SSBP2: variants seen among roughly 807,000 people sequenced by gnomAD.
SSBP2 encodes the protein single-stranded DNA-binding protein 2.
In SSBP2, 17 loss-of-function variants were observed where a neutral mutation model predicts 61.8. That is an observed-to-expected ratio of 0.28 (90% CI 0.19 to 0.41). The LOEUF (loss-of-function observed/expected upper bound fraction) is 0.41, where lower values mean the gene tolerates loss of function less well. Among genes scored for constraint, SSBP2 ranks in the 10% least tolerant of loss-of-function variants. The pLI is 1.00. For synonymous variants in SSBP2, 139 were observed against 141.3 expected (o/e 0.98, Z 0.12); for missense variants, 310 against 458.7 (o/e 0.68, Z 2.96).
intron 1 of SSBP2, among the ~76,000 whole-genome samples, chr5:81,728,672 G>A (rs764204245): frequency 3.3e-5 from 5 of 152,198 alleles, no homozygotes; most frequent in Non-Finnish European, 7.4e-5. Context: ...ATGTAAACTA[G>A]AAACTATATA....
At chr5:81,560,078 A>C (rs1772928354) in intron 4 of SSBP2, among the ~76,000 whole-genome samples, 3 of 152,212 alleles carry the variant, frequency 2.0e-5, no homozygotes, top group African/African-American at 2.4e-5. Context: ...TTTAACTTAA[A>C]CTATATTAAA....
At chr5:81,652,132 G>A (rs777651366) in intron 1 of SSBP2, among the ~76,000 whole-genome samples, 3 of 152,176 alleles carry the variant, frequency 2.0e-5, no homozygotes, top group Non-Finnish European at 4.4e-5. Context: ...GAGGCAGAGA[G>A]TGAATGAAGC....
rs372773450 is a variant in SSBP2 at position 81,641,623 on chromosome 5, G to A, written c.136-5005C>T. 2.6e-4 allele frequency among the ~76,000 whole-genome samples: 40 copies of A among 152,204 alleles called. No individual in the cohort carries two copies. The East Asian group carries it at 7.0e-3, about 26-fold the overall frequency. On this transcript the variant is annotated intron_variant, in intron 2 of 16. Transcript: ENST00000320672. ...TGGATCACTATTCTAGATACCACTTGTTTAAAAAAAGCATAAAATGGTGCT... is the reference window on the plus strand; with the variant it reads ...TGGATCACTATTCTAGATACCACTTATTTAAAAAAAGCATAAAATGGTGCT...
At chr5:81,615,768 T>A (rs1285129963) in intron 3 of SSBP2, among the ~76,000 whole-genome samples, 1 of 152,184 alleles carries the variant, frequency 6.6e-6, no homozygotes, top group African/African-American at 2.4e-5. Flanking sequence ...AATAAGACTT[T>A]TATAAAAAAA....
At chr5:81,693,696 G>A (rs976914554) in intron 1 of SSBP2, among the ~76,000 whole-genome samples, 1 of 152,230 alleles carries the variant, frequency 6.6e-6, no homozygotes, top group Non-Finnish European at 1.5e-5. Context: ...TGGAGAGGAT[G>A]TGGAGAAAAG....
chr5:81,569,420 C>G (rs1773679237), intron 4 of SSBP2, among the ~76,000 whole-genome samples: 1 of 152,070 alleles, frequency 6.6e-6, no homozygotes, highest in African/African-American at 2.4e-5. Context: ...TTTAGGCAAG[C>G]TTTAAAAAAT....
At chr5:81,657,076 C>T (rs1009764909) in intron 1 of SSBP2, among the ~76,000 whole-genome samples, 1 of 151,930 alleles carries the variant, frequency 6.6e-6, no homozygotes, top group Admixed American at 6.6e-5. Context: ...AGACTGGGGG[C>T]CTGGAATAAG....
chr5:81,460,808 T>G (rs529169229), intron 10 of SSBP2, among the ~76,000 whole-genome samples: 4 of 152,126 alleles, frequency 2.6e-5, no homozygotes, highest in Non-Finnish European at 5.9e-5. Flanking sequence ...CTATTTCAAT[T>G]TTTATTTTTG....
intron 4 of SSBP2, among the ~76,000 whole-genome samples, chr5:81,558,892 T>C (rs1243697913): frequency 6.6e-6 from 1 of 152,212 alleles, no homozygotes; most frequent in Non-Finnish European, 1.5e-5. Flanking sequence ...AACAGTGTCA[T>C]AATGCCTAGA....
chr5:81,743,616 G>A (rs775893248), intron 1 of SSBP2, among the ~76,000 whole-genome samples: 3 of 152,072 alleles, frequency 2.0e-5, no homozygotes, highest in Non-Finnish European at 2.9e-5. Flanking sequence ...GGTAGTTCAC[G>A]TGAGCCAATT....
At chr5:81,475,977 A>C (rs1765561411) in intron 6 of SSBP2, among the ~76,000 whole-genome samples, 1 of 152,146 alleles carries the variant, frequency 6.6e-6, no homozygotes, top group Non-Finnish European at 1.5e-5. Context: ...GTATAATTTC[A>C]AACTTCCAGA....
intron 4 of SSBP2, among the ~76,000 whole-genome samples, chr5:81,612,836 T>G (rs1745586784): frequency 1.3e-5 from 2 of 152,070 alleles, no homozygotes; most frequent in South Asian, 2.1e-4. Flanking sequence ...TAAACTCAAA[T>G]GCAGAATATA....
chr5:81,652,487 A>C (rs1238471231), intron 1 of SSBP2, among the ~76,000 whole-genome samples: 1 of 152,170 alleles, frequency 6.6e-6, no homozygotes, highest in East Asian at 1.9e-4. Context: ...GTATCTTCTA[A>C]GGGTGTGAGC....
intron 1 of SSBP2, among the ~76,000 whole-genome samples, chr5:81,745,957 A>T (rs926741358): frequency 6.6e-6 from 1 of 152,256 alleles, no homozygotes; most frequent in Admixed American, 6.5e-5. Flanking sequence ...TAAAGATGAA[A>T]GGCATATTTG....
chr5:81,550,236 ATTG>A (rs1363985753), intron 4 of SSBP2, among the ~76,000 whole-genome samples: 1 of 152,126 alleles, frequency 6.6e-6, no homozygotes, highest in African/African-American at 2.4e-5. Context: ...TTCTGATACT[ATTG>A]TTGTCTCTGA....
chr5:81,625,051 T>C (rs1246792851), intron 3 of SSBP2, among the ~76,000 whole-genome samples: 1 of 152,120 alleles, frequency 6.6e-6, no homozygotes, highest in Non-Finnish European at 1.5e-5. Flanking sequence ...CTATATATGC[T>C]ACATAACTTG....
intron 1 of SSBP2, among the ~76,000 whole-genome samples, chr5:81,656,989 GTCA>G (rs1750285678): frequency 6.6e-6 from 1 of 152,106 alleles, no homozygotes; most frequent in Non-Finnish European, 1.5e-5. Context: ...ACTGGAACAA[GTCA>G]CTCCCATGCT....
At chr5:81,425,250 A>T (rs1761881122) in intron 16 of SSBP2, among the ~76,000 whole-genome samples, 1 of 152,152 alleles carries the variant, frequency 6.6e-6, no homozygotes, top group Admixed American at 6.5e-5. Context: ...TTTAATTCTC[A>T]CTATATTTCT....
chr5:81,687,693 C>T (rs969950286), intron 1 of SSBP2, among the ~76,000 whole-genome samples: 6 of 152,172 alleles, frequency 3.9e-5, no homozygotes, highest in East Asian at 1.9e-4. Context: ...CAGGCAGAGT[C>T]GTGAAGTTAC....
Sources: allele counts gnomAD v4.1 joint callset (sites outside exome capture counted in the v4.1 genomes callset), GRCh38; gene constraint gnomAD v4.1.1; transcripts MANE v1.5; gene names NCBI Gene and HGNC (gene_info 2026-07-23, HGNC 2026-07-21).